Variants in PRIMPOL observed in about 807,000 individuals in gnomAD.
PRIMPOL encodes DNA-directed primase/polymerase protein.
PRIMPOL carries 54 observed loss-of-function variants against 63.6 expected under a neutral mutation model. The observed-to-expected ratio is 0.85, with a 90% CI of 0.68 to 1.07. The LOEUF is 1.07. Ranked by LOEUF, PRIMPOL falls within the 50% of genes least tolerant of loss-of-function variation. PRIMPOL has a pLI of 0.00. For missense variants in PRIMPOL, 610 were observed against 648.3 expected (o/e 0.94, Z 0.64); for synonymous variants, 197 against 220.2 (o/e 0.89, Z 0.93).
intron 5 of PRIMPOL, among the ~76,000 whole-genome samples, chr4:184,663,018 T>TTTATTATTA (rs70962516): frequency 0.13 from 17,717 of 138,578 alleles, 1,324 homozygotes; most frequent in Middle Eastern, 0.17. Flanking sequence ...ATTTTAAACC[T>TTTATTATTA]TTATTATTAT....
rs541152487 is a variant in PRIMPOL at position 184,666,010 on chromosome 4, C to T, written c.502C>T (p.Arg168Trp). The T allele has an allele frequency of 3.5e-5, 56 of 1,608,980 alleles. No individual in the cohort carries two copies. Among genetic ancestry groups the T allele is most frequent in the South Asian group, 2.4e-4 (22 of 90,590 alleles). ...LDSSTDEKFS[R>W]HLIFQLHDVA... Reference sequence around the variant, plus strand: ...TTCTAGCACTGATGAAAAATTCAGCCGGCATTTAATATTTCAGCTCCATGA... The same window carrying T: ...TTCTAGCACTGATGAAAAATTCAGCTGGCATTTAATATTTCAGCTCCATGA... Residue 168 changes from arginine to tryptophan, a missense_variant, in exon 6 of 14, where the codon CGG becomes TGG. Physicochemically the swap from Arg to Trp is moderately radical, Grantham distance 101. Coordinates refer to ENST00000314970, the MANE Select transcript of PRIMPOL (RefSeq NM_152683.4).
At chr4:184,655,403 C>CA (rs1358564382) in intron 2 of PRIMPOL, among the ~76,000 whole-genome samples, 23 of 148,688 alleles carry the variant, frequency 1.5e-4, no homozygotes, top group African/African-American at 5.8e-4. Context: ...GGCTCACTGG[C>CA]ACCTCCACTC....
chr4:184,669,129 A>G (rs1750874672), intron 6 of PRIMPOL, among the ~76,000 whole-genome samples: 1 of 152,158 alleles, frequency 6.6e-6, no homozygotes, highest in Non-Finnish European at 1.5e-5. Context: ...GACTTGTCCT[A>G]AGGCTGCACA....
At position 184,694,750 on chromosome 4, in the gene PRIMPOL, G is replaced by T; in HGVS notation, c.1654G>T (p.Glu552Ter). 6.2e-7 allele frequency: 1 copy of T among 1,612,212 alleles called. No individual in the cohort carries two copies. The highest frequency in any genetic ancestry group is 1.1e-5 in the South Asian group (1 of 91,036). Residue 552 changes from glutamate (E) to a stop codon, truncating the protein, a stop_gained, in exon 14 of 14, where the codon GAA becomes TAA. Transcript: ENST00000314970. LOFTEE classifies it high-confidence loss of function. ...CAGTGAAGTGGATGAAATTCCTGAT[G>T]AACTAATTATAGAAGTATTACAAGA... The part of the protein sequence containing the change: ...YNSEVDEIPD[E>*]LIIEVLQE
intron 7 of PRIMPOL, among the ~76,000 whole-genome samples, chr4:184,673,115 G>A (rs143236511): frequency 0.013 from 1,865 of 146,246 alleles, 43 homozygotes; most frequent in African/African-American, 0.044. Flanking sequence ...AGCCATGACA[G>A]CAGCAGGTTT....
chr4:184,674,288 T>G (rs1752712917), intron 7 of PRIMPOL, among the ~76,000 whole-genome samples: 1 of 152,184 alleles, frequency 6.6e-6, no homozygotes, highest in African/African-American at 2.4e-5. Context: ...TATGCTGAAA[T>G]AAGAAACTTT....
chr4:184,676,057 C>A (rs979284616), intron 7 of PRIMPOL, among the ~76,000 whole-genome samples: 4 of 152,088 alleles, frequency 2.6e-5, no homozygotes, highest in African/African-American at 9.7e-5. Context: ...CAAAGTCATT[C>A]TTTTGCTTTT....
At chr4:184,655,575 G>C (rs12513128) in intron 2 of PRIMPOL, among the ~76,000 whole-genome samples, 20,522 of 150,810 alleles carry the variant, frequency 0.14, 1,486 homozygotes, top group Middle Eastern at 0.18. Context: ...CCGCCTCAGC[G>C]TCCCAAAGTG....
At chr4:184,674,994 G>A (rs940321256) in intron 7 of PRIMPOL, among the ~76,000 whole-genome samples, 3 of 152,142 alleles carry the variant, frequency 2.0e-5, no homozygotes, top group East Asian at 1.9e-4. Context: ...GGTGTTACTC[G>A]AGGTTTACAA....
chr4:184,692,430 C>T (rs867291234), intron 13 of PRIMPOL, among the ~76,000 whole-genome samples: 4 of 135,020 alleles, frequency 3.0e-5, no homozygotes, highest in East Asian at 2.1e-4. Context: ...GCTGATATCA[C>T]GCCATTACAC....
In PRIMPOL at chr4:184,678,254, CT is replaced by C. The variant is rs1390933647; in HGVS notation, c.870del (p.Arg291GlyfsTer76). 1 of 1,585,290 alleles carries C rather than the reference CT, an allele frequency of 6.3e-7. No homozygotes were observed. The highest frequency in any genetic ancestry group is 8.5e-7 in the Non-Finnish European group (1 of 1,170,184). On this transcript the variant is annotated frameshift_variant, in exon 8 of 14. Transcript: ENST00000314970. LOFTEE classifies it high-confidence loss of function. ...DLGVYTRNRN[F>X]RLYKSSKIGK... ...TAGGAGTTTATACAAGAAATAGAAA[CT>C]TTCGGCTATATAAATCATCAAAAAT... is the stretch of plus-strand genomic sequence containing the variant.
chr4:184,656,940 C>A (rs935082492), intron 2 of PRIMPOL, 142 bp from the exon 3 acceptor site: 5 of 439,948 alleles, frequency 1.1e-5, no homozygotes, highest in African/African-American at 8.2e-5. Context: ...TGATAACCAG[C>A]CTTGCTCTCA....
rs748294081 is a variant in PRIMPOL at position 184,678,319 on chromosome 4, A to G, written c.932A>G (p.Lys311Arg). The G allele has an allele frequency of 4.4e-6, 7 of 1,609,030 alleles. No individual in the cohort carries two copies. The highest frequency in any genetic ancestry group is 1.6e-4 in the Middle Eastern group (1 of 6,062). The change falls in exon 8 of 14, where the codon AAA (lysine) becomes AGA (arginine). Residue 311 changes from lysine (K) to arginine (R), a missense_variant. By Grantham distance (26) the Lys-to-Arg change is conservative. Transcript: ENST00000314970. Reference protein sequence around the residue: ...RVALEVTEDNKFFPIQSKDVS... With the variant: ...RVALEVTEDNRFFPIQSKDVS... ...GCTTTGGAGGTTACTGAAGATAACA[A>G]ATTTTTTCCTATACAGTCAAAAGAT...
At chr4:184,689,032 G>A (rs1482274249) in intron 11 of PRIMPOL, among the ~76,000 whole-genome samples, 2 of 149,736 alleles carry the variant, frequency 1.3e-5, no homozygotes, top group Non-Finnish European at 2.9e-5. Flanking sequence ...CTTATTAATG[G>A]GATGTATACT....
intron 6 of PRIMPOL, among the ~76,000 whole-genome samples, chr4:184,667,934 C>G (rs891171230): frequency 6.6e-6 from 1 of 152,162 alleles, no homozygotes; most frequent in African/African-American, 2.4e-5. Flanking sequence ...TGGTTTGTTA[C>G]ATTTGCAGGC....
At chr4:184,667,443 T>G (rs140804669) in intron 6 of PRIMPOL, among the ~76,000 whole-genome samples, 234 of 152,264 alleles carry the variant, frequency 1.5e-3, no homozygotes, top group African/African-American at 5.3e-3. Context: ...CCCGAGTAGC[T>G]GAGACTACAG....
chr4:184,659,668 A>T (rs1345220286), intron 4 of PRIMPOL, among the ~76,000 whole-genome samples: 1 of 152,194 alleles, frequency 6.6e-6, no homozygotes, highest in African/African-American at 2.4e-5. Context: ...GTGTACTCAA[A>T]GGGAGTTTTG....
intron 8 of PRIMPOL, 44 bp from the exon 9 acceptor site, chr4:184,682,204 C>A: frequency 2.0e-6 from 2 of 1,003,850 alleles, no homozygotes; most frequent in Non-Finnish European, 3.1e-6. Flanking sequence ...CTTGTTAGTT[C>A]CAGTGTGATG....
At chr4:184,664,555 C>T (rs1749287941) in intron 5 of PRIMPOL, among the ~76,000 whole-genome samples, 1 of 152,224 alleles carries the variant, frequency 6.6e-6, no homozygotes, top group African/African-American at 2.4e-5. Flanking sequence ...ATGGCTCATA[C>T]CACTGTGTCT....
Sources: allele counts gnomAD v4.1 joint callset (sites outside exome capture counted in the v4.1 genomes callset), GRCh38; gene constraint gnomAD v4.1.1; transcripts MANE v1.5; gene names NCBI Gene and HGNC (gene_info 2026-07-23, HGNC 2026-07-21).